The following RAP1A variants were observed in gnomAD, a reference collection of about 807,000 sequenced individuals.
The protein encoded by RAP1A is ras-related protein Rap-1A.
RAP1A carries 6 observed loss-of-function variants against 26.4 expected under a neutral mutation model. The ratio of observed to expected loss-of-function variants is 0.23; its 90% CI spans 0.12 to 0.45. The LOEUF is 0.45. RAP1A is among the 20% of genes least tolerant of loss of function. RAP1A has a pLI of 0.99. For synonymous variants in RAP1A, 73 were observed against 79.4 expected (o/e 0.92, Z 0.43); for missense variants, 121 against 217.2 (o/e 0.56, Z 2.78).
chr1:111,602,271 A>T (rs1196156907), intron 1 of RAP1A: 1 of 152,210 alleles, frequency 6.6e-6, no homozygotes, highest in African/African-American at 2.4e-5. Context: ...GCAGGATAAC[A>T]GGAAAGAAAG....
chr1:111,711,638 G>T (rs909349764), intron 7 of RAP1A, among the ~76,000 whole-genome samples: 1 of 152,196 alleles, frequency 6.6e-6, no homozygotes, highest in Admixed American at 6.5e-5. Context: ...ATACATTTTA[G>T]TGTGATTGTA....
intron 1 of RAP1A, among the ~76,000 whole-genome samples, chr1:111,673,450 AC>A (rs1297420774): frequency 2.0e-5 from 3 of 152,244 alleles, no homozygotes; most frequent in African/African-American, 7.2e-5. Flanking sequence ...TGCAGAAACA[AC>A]AAAGTTGGGA....
chr1:111,621,703 A>G lies in RAP1A; in HGVS notation c.-28+1769A>G, dbSNP rs1659208755. On this transcript the variant is annotated intron_variant, in intron 1 of 7. Transcript: ENST00000369709. The stretch of plus-strand genomic sequence containing the variant: ...ACTGACACCTTTGAGAATATGATGA[A>G]ATATATAAACTCTCTCCCCAGAATA... 2.6e-5 allele frequency among the ~76,000 whole-genome samples: 4 copies of G among 152,318 alleles called. No homozygotes were observed. The South Asian group carries it at 8.3e-4, about 32-fold the overall frequency.
chr1:111,578,607 G>GT (rs1658190950), intron 1 of RAP1A, among the ~76,000 whole-genome samples: 1 of 152,092 alleles, frequency 6.6e-6, no homozygotes, highest in Non-Finnish European at 1.5e-5. Flanking sequence ...AAAAAAAAAG[G>GT]TTTTTTCCTA....
intron 1 of RAP1A, among the ~76,000 whole-genome samples, chr1:111,645,991 G>A (rs527713043): frequency 3.3e-5 from 5 of 152,278 alleles, no homozygotes; most frequent in Admixed American, 3.3e-4. Context: ...TTACACACAC[G>A]TGCACACGTG....
intron 1 of RAP1A, among the ~76,000 whole-genome samples, chr1:111,624,659 A>G (rs1241577845): frequency 6.6e-6 from 1 of 152,232 alleles, no homozygotes; most frequent in Non-Finnish European, 1.5e-5. Context: ...TTTTAGAGGT[A>G]GAAGGTACAA....
chr1:111,654,889 G>A (rs777694876), intron 1 of RAP1A, among the ~76,000 whole-genome samples: 1 of 151,356 alleles, frequency 6.6e-6, no homozygotes, highest in Non-Finnish European at 1.5e-5. Flanking sequence ...ATGTGGACTG[G>A]CTGAATGCGG....
chr1:111,543,339 A>C (rs1174153830), intron 1 of RAP1A, among the ~76,000 whole-genome samples: 1 of 152,146 alleles, frequency 6.6e-6, no homozygotes, highest in African/African-American at 2.4e-5. Flanking sequence ...AGCAACTGAC[A>C]AATTTTATTT....
intron 1 of RAP1A, among the ~76,000 whole-genome samples, chr1:111,549,138 T>C (rs1278164296): frequency 6.6e-6 from 1 of 152,212 alleles, no homozygotes; most frequent in Non-Finnish European, 1.5e-5. Flanking sequence ...TCTGTTATTT[T>C]CTTTTCCCTG....
intron 1 of RAP1A, among the ~76,000 whole-genome samples, chr1:111,638,361 T>C (rs895124147): frequency 6.6e-6 from 1 of 152,192 alleles, no homozygotes; most frequent in Non-Finnish European, 1.5e-5. Context: ...CCATTTGTAA[T>C]AGAATTCTGG....
chr1:111,623,040 C>T (rs1659270520), intron 1 of RAP1A, among the ~76,000 whole-genome samples: 1 of 151,962 alleles, frequency 6.6e-6, no homozygotes, highest in Admixed American at 6.6e-5. Context: ...TTTTTTGAGA[C>T]GGAGTCTTGC....
intron 1 of RAP1A, among the ~76,000 whole-genome samples, chr1:111,676,258 A>G (rs1290170795): frequency 6.6e-6 from 1 of 152,182 alleles, no homozygotes; most frequent in Non-Finnish European, 1.5e-5. Context: ...TGAGAGAGTG[A>G]GGCAGGAGAC....
At chr1:111,680,424 TCTGATTGGTGCTTTTTTCAGAGTG>T (rs1039619598) in intron 1 of RAP1A, among the ~76,000 whole-genome samples, 15 of 152,158 alleles carry the variant, frequency 9.9e-5, no homozygotes, top group African/African-American at 3.6e-4. Flanking sequence ...GACACAGAGC[TCTGATTGGTGCTTTTTTCAGAGTG>T]CTGATTGGTG....
chr1:111,658,387 C>A (rs935938101), intron 1 of RAP1A, among the ~76,000 whole-genome samples: 1 of 152,034 alleles, frequency 6.6e-6, no homozygotes, highest in Non-Finnish European at 1.5e-5. Context: ...TTCAATTCAA[C>A]CTTAGCTTAT....
Position 111,701,378 on chromosome 1 carries a change from G to C in RAP1A, c.184-1958G>C, listed in dbSNP as rs1662017190. Among the ~76,000 whole-genome samples the C allele has an allele frequency of 2.6e-5, 4 of 152,084 alleles. No individual in the cohort carries two copies. The South Asian group carries it at 8.3e-4, about 32-fold the overall frequency. ...ATGGTTGCTCAAATGTTACCCGTGA[G>C]GCCTTCCCTGAGCATAGTCTTTTAA... is the stretch of plus-strand genomic sequence containing the variant. On this transcript the variant is annotated intron_variant, in intron 4 of 7. Coordinates refer to ENST00000369709, the MANE Select transcript of RAP1A (RefSeq NM_002884.4).
chr1:111,610,347 G>A (rs2101079395), intron 1 of RAP1A, among the ~76,000 whole-genome samples: 1 of 152,228 alleles, frequency 6.6e-6, no homozygotes, highest in East Asian at 1.9e-4. Context: ...GTTTGAATTT[G>A]GAATTTGCTC....
chr1:111,685,433 AAG>A (rs142161390), intron 1 of RAP1A, among the ~76,000 whole-genome samples: 41,231 of 104,090 alleles, frequency 0.4, 6,231 homozygotes, highest in East Asian at 0.53. Context: ...TTACAAAAAA[AAG>A]AAACAACCTC....
chr1:111,557,468 G>A (rs1571465548), intron 1 of RAP1A, among the ~76,000 whole-genome samples: 2 of 151,632 alleles, frequency 1.3e-5, no homozygotes, highest in Non-Finnish European at 2.9e-5. Flanking sequence ...GAGAATCGCT[G>A]GAACCCAGGA....
Position 111,704,407 on chromosome 1 carries a change from A to T in RAP1A, c.389A>T (p.Gln130Leu). 1 of 1,613,974 alleles carries T rather than the reference A, an allele frequency of 6.2e-7. No individual in the cohort carries two copies. Among genetic ancestry groups the T allele is most frequent in the Non-Finnish European group, 8.5e-7 (1 of 1,179,906 alleles). ...LEDERVVGKEQGQNLARQWCN... is the reference protein window; with the variant it reads ...LEDERVVGKELGQNLARQWCN... ...GATGAGCGAGTAGTTGGCAAAGAGC[A>T]GGGCCAGAATTTAGCAAGACAGTGG... The change falls in exon 6 of 8, where the codon CAG becomes CTG. Residue 130 changes from glutamine (Q) to leucine (L), a missense_variant. Physicochemically the swap from Gln to Leu is moderately radical, Grantham distance 113 (BLOSUM62 -2). Coordinates refer to ENST00000369709, the MANE Select transcript of RAP1A (RefSeq NM_002884.4).
Sources: gnomAD v4.1 joint callset for allele counts (sites outside exome capture counted in the v4.1 genomes callset) on GRCh38, gnomAD v4.1.1 for gene constraint, MANE v1.5 for transcripts, NCBI Gene and HGNC (gene_info 2026-07-23, HGNC 2026-07-21) for gene names.